CHD1L: variants seen among roughly 807,000 people sequenced by gnomAD.
The protein encoded by CHD1L is ATP-dependent chromatin remodeler CHD1L.
A neutral mutation model predicts 115.9 loss-of-function variants in CHD1L; 118 were observed. The ratio of observed to expected loss-of-function variants is 1.02; its 90% CI spans 0.88 to 1.19. The LOEUF is 1.19. CHD1L is among the 50% of genes most tolerant of loss of function. The pLI is 0.00. For missense variants in CHD1L, 1,179 were observed against 1,065.3 expected, an observed-to-expected ratio of 1.11 and a Z score of -1.49; for synonymous variants, 411 against 387.1, an observed-to-expected ratio of 1.06 and a Z score of -0.72.
At chr1:147,212,319 G>A in the CHD1L span, 1 of 1,492,726 alleles carries the variant, frequency 6.7e-7, no homozygotes, top group Non-Finnish European at 9.3e-7. Context: ...TTCTCTGTTG[G>A]GTCCACCTGC....
rs1452486110 is a variant in CHD1L, at chr1:147,288,322, C to CATTAA, written c.2320+590_2320+591insTTAAA. ...CCTGAGTGAGAGTGAGACCCTGTTT[C>CATTAA]AATAAAAAAAAAAAAAAAAAAAAAG... On this transcript the variant is annotated intron_variant, in intron 19 of 22. Coordinates refer to ENST00000369258, the MANE Select transcript of CHD1L (RefSeq NM_004284.6). Among the ~76,000 whole-genome samples, 152 of 87,898 alleles carry CATTAA rather than the reference C, an allele frequency of 1.7e-3. 5 individuals carry two copies. Among genetic ancestry groups the CATTAA allele is most frequent in the East Asian group, 3.1e-3 (8 of 2,606 alleles). 57.7% of individuals were successfully genotyped at this position (87,898 alleles called of 152,430 possible).
chr1:147,253,229 T>C (rs1238480067), intron 2 of CHD1L, among the ~76,000 whole-genome samples: 1 of 152,182 alleles, frequency 6.6e-6, no homozygotes, highest in Non-Finnish European at 1.5e-5. Flanking sequence ...CTTAAATTCT[T>C]GCTAGAATTC....
intron 14 of CHD1L, among the ~76,000 whole-genome samples, chr1:147,279,584 T>TA (rs1169844985): frequency 2.6e-5 from 4 of 152,172 alleles, no homozygotes; most frequent in Admixed American, 2.6e-4. Flanking sequence ...CAGTTCATGA[T>TA]AGAGGTAAAG....
chr1:147,174,417 C>T, the CHD1L span: 1 of 152,196 alleles, frequency 6.6e-6, no homozygotes, highest in Non-Finnish European at 1.5e-5. Flanking sequence ...TATGTATTTC[C>T]TTGCAGTAGT....
In CHD1L at chr1:147,272,161, C is replaced by G; in HGVS notation, c.1160-10C>G. 6.3e-7 allele frequency: 1 copy of G among 1,598,654 alleles called. No homozygotes were observed. The highest frequency in any genetic ancestry group is 8.5e-7 in the Non-Finnish European group (1 of 1,171,856). ...GGTTAAGATTTCTGTTTTTCTTCCT[C>G]TCTGTAAAGGCTACAGCTATGAGCG... On this transcript the variant is annotated splice_polypyrimidine_tract_variant and intron_variant, in intron 11 of 22. Transcript: ENST00000369258.
intron 6 of CHD1L, among the ~76,000 whole-genome samples, chr1:147,261,922 G>A (rs186406165): frequency 2.0e-4 from 31 of 152,210 alleles, no homozygotes; most frequent in Non-Finnish European, 2.5e-4. Flanking sequence ...CCAGCCGGGC[G>A]CAGTGGCTCA....
At chr1:147,186,903 G>A in the CHD1L span, 1 of 1,611,272 alleles carries the variant, frequency 6.2e-7, no homozygotes, top group Non-Finnish European at 8.5e-7. Flanking sequence ...AGGACAACTA[G>A]AAGTAAGCTA....
the CHD1L span, among the ~76,000 whole-genome samples, chr1:147,226,262 C>T: frequency 1.2e-3 from 188 of 150,824 alleles, 1 homozygote; most frequent in Middle Eastern, 3.4e-3. Flanking sequence ...CTCTCTCCTC[C>T]CCTCCTCACA....
At chr1:147,291,655 G>C in intron 20 of CHD1L, 103 bp downstream of exon 20, 1 of 849,514 alleles carries the variant, frequency 1.2e-6, no homozygotes, top group Non-Finnish European at 2.0e-6. Flanking sequence ...GTATTAGTTT[G>C]TTAGGGCTGC....
the CHD1L span, chr1:147,179,664 C>G: frequency 8.3e-7 from 1 of 1,197,646 alleles, no homozygotes; most frequent in Non-Finnish European, 1.2e-6. Context: ...AAGGACTCTT[C>G]CACCAGAGAT....
At chr1:147,202,312 CTTT>C in the CHD1L span, among the ~76,000 whole-genome samples, 59 of 77,450 alleles carry the variant, frequency 7.6e-4, 1 homozygote, top group East Asian at 6.9e-3. Context: ...AAAAGCAGTT[CTTT>C]TTTTTTTTTT....
At chr1:147,246,769 TTATA>T (rs1206757223) in intron 1 of CHD1L, among the ~76,000 whole-genome samples, 1 of 152,200 alleles carries the variant, frequency 6.6e-6, no homozygotes, top group Non-Finnish European at 1.5e-5. Context: ...ACTCTAGTCT[TTATA>T]TAATCTAGAT....
chr1:147,245,972 G>C (rs1424933959), intron 1 of CHD1L, among the ~76,000 whole-genome samples: 2 of 152,084 alleles, frequency 1.3e-5, no homozygotes, highest in Non-Finnish European at 2.9e-5. Context: ...TATTGACATT[G>C]GTACAGTCAA....
chr1:147,291,418 G>T (rs1466936989), intron 19 of CHD1L, 64 bp from the exon 20 acceptor site: 3 of 1,334,654 alleles, frequency 2.2e-6, no homozygotes, highest in Non-Finnish European at 3.2e-6. Flanking sequence ...GGCGAGATAC[G>T]AGGAGGATTC....
chr1:147,247,255 C>T lies in CHD1L; in HGVS notation c.127+4425C>T, dbSNP rs999120130. Among the ~76,000 whole-genome samples, 6 of 152,160 alleles carry T rather than the reference C, an allele frequency of 3.9e-5. No homozygotes were observed. In the East Asian group the frequency reaches 1.2e-3, roughly 29 times the overall value. ...CTGCTTTAGTTTGGATATGGATTAT[C>T]TGTCCCCACCAAATATCATGTTGAA... On this transcript the variant is annotated intron_variant, in intron 1 of 22. Transcript: ENST00000369258.
the CHD1L span, among the ~76,000 whole-genome samples, chr1:147,197,749 C>A: frequency 1.3e-5 from 2 of 152,168 alleles, no homozygotes; most frequent in African/African-American, 4.8e-5. Flanking sequence ...CAGCCTCAGG[C>A]AGTTCTTTAT....
intron 15 of CHD1L, among the ~76,000 whole-genome samples, chr1:147,284,066 G>A (rs1470024479): frequency 3.3e-5 from 5 of 152,168 alleles, no homozygotes; most frequent in Non-Finnish European, 7.3e-5. Context: ...AAATGAATGA[G>A]GAATGAATGG....
chr1:147,193,783 G>T, the CHD1L span, among the ~76,000 whole-genome samples: 1 of 152,120 alleles, frequency 6.6e-6, no homozygotes, highest in South Asian at 2.1e-4. Flanking sequence ...TCATTCAGGA[G>T]CAGGTTGTTC....
chr1:147,262,669 A>C (rs1272070804), intron 6 of CHD1L, among the ~76,000 whole-genome samples: 9 of 152,114 alleles, frequency 5.9e-5, no homozygotes, highest in African/African-American at 1.4e-4. Context: ...CAAGCAGAAC[A>C]ACCATGAATG....
Sources: allele counts gnomAD v4.1 joint callset (sites outside exome capture counted in the v4.1 genomes callset), GRCh38; gene constraint gnomAD v4.1.1; transcripts MANE v1.5; gene names NCBI Gene and HGNC (gene_info 2026-07-23, HGNC 2026-07-21).